EPB41: variants seen among roughly 807,000 people sequenced by gnomAD.
EPB41 encodes erythrocyte membrane protein band 4.1.
A neutral mutation model predicts 108.0 loss-of-function variants in EPB41; 65 were observed. That is an observed-to-expected ratio of 0.60 (90% confidence interval 0.49 to 0.74). EPB41 has a LOEUF of 0.74. Among genes scored for constraint, EPB41 ranks in the 30% least tolerant of loss-of-function variants. EPB41 has a pLI of 0.00. For synonymous variants in EPB41, 336 were observed against 358.9 expected (o/e 0.94, Z 0.72); for missense variants, 875 against 1,037.0 (o/e 0.84, Z 2.15).
chr1:28,920,593 C>T (rs951370272), intron 1 of EPB41, among the ~76,000 whole-genome samples: 6 of 152,120 alleles, frequency 3.9e-5, no homozygotes, highest in Non-Finnish European at 7.4e-5. Context: ...AGAAACTCCC[C>T]GTGATTTAAC....
At chr1:29,001,795 T>C (rs1258176735) in intron 4 of EPB41, among the ~76,000 whole-genome samples, 1 of 152,224 alleles carries the variant, frequency 6.6e-6, no homozygotes, top group Non-Finnish European at 1.5e-5. Flanking sequence ...TATGATCTTT[T>C]CTTTTTTCTT....
intron 7 of EPB41, among the ~76,000 whole-genome samples, chr1:29,024,461 G>A (rs1017732400): frequency 1.3e-5 from 2 of 150,726 alleles, no homozygotes; most frequent in African/African-American, 4.9e-5. Context: ...GTGAAACCCT[G>A]TCTCTACTAA....
At chr1:29,065,611 A>G (rs953363235) in intron 16 of EPB41, 1 of 152,796 alleles carries the variant, frequency 6.5e-6, no homozygotes, top group African/African-American at 2.4e-5. Context: ...CCACAATTAT[A>G]TAGTAAACCA....
At chr1:28,965,241 A>G (rs1326472019) in intron 1 of EPB41, among the ~76,000 whole-genome samples, 1 of 152,142 alleles carries the variant, frequency 6.6e-6, no homozygotes, top group Admixed American at 6.5e-5. Context: ...AAAAAGAAAA[A>G]TATTTAGTTG....
intron 2 of EPB41, among the ~76,000 whole-genome samples, chr1:28,991,528 A>G (rs1056805586): frequency 6.6e-6 from 1 of 151,740 alleles, no homozygotes; most frequent in African/African-American, 2.4e-5. Context: ...ACATGGAGAA[A>G]CACCATCTCT....
intron 10 of EPB41, 130 bp downstream of exon 10, chr1:29,036,053 G>C: frequency 1.4e-6 from 1 of 701,934 alleles, no homozygotes; most frequent in Non-Finnish European, 2.4e-6. Flanking sequence ...ATCATCTTAA[G>C]CAAGACAAAA....
intron 1 of EPB41, chr1:28,893,758 A>C (rs126013): frequency 0.64 from 97,213 of 152,316 alleles, 31,678 homozygotes; most frequent in East Asian, 0.91. Flanking sequence ...CACTGCTGTC[A>C]TTTGCTTCCA....
At chr1:28,992,913 T>G (rs1004899637) in intron 2 of EPB41, among the ~76,000 whole-genome samples, 2 of 152,200 alleles carry the variant, frequency 1.3e-5, no homozygotes, top group African/African-American at 4.8e-5. Context: ...TAAAATTAAT[T>G]TAAAATTTAG....
intron 15 of EPB41, among the ~76,000 whole-genome samples, 187 bp from the exon 16 acceptor site, chr1:29,064,795 T>G (rs907829289): frequency 6.6e-6 from 1 of 152,190 alleles, no homozygotes. Flanking sequence ...GAAAAGCACT[T>G]TATTTAAAGA....
intron 16 of EPB41, among the ~76,000 whole-genome samples, chr1:29,090,967 T>C (rs963237412): frequency 1.3e-5 from 2 of 152,238 alleles, no homozygotes; most frequent in South Asian, 4.1e-4. Context: ...CCAACTGTTA[T>C]GTTTTTCTTT....
chr1:29,011,990 G>GGATTCTAAAGTGACTGAC, intron 5 of EPB41, 83 bp downstream of exon 5: 1 of 1,481,550 alleles, frequency 6.7e-7, no homozygotes, highest in Non-Finnish European at 9.4e-7. Flanking sequence ...CTGTGAGTCA[G>GGATTCTAAAGTGACTGAC]TCACTTTAGA....
intron 1 of EPB41, among the ~76,000 whole-genome samples, chr1:28,957,832 A>T (rs1288216280): frequency 6.6e-6 from 1 of 152,072 alleles, no homozygotes; most frequent in Admixed American, 6.6e-5. Context: ...TTCTCCTCCA[A>T]TTCCTTATAC....
At chr1:29,024,806 G>A (rs1421948320) in intron 7 of EPB41, among the ~76,000 whole-genome samples, 1 of 152,010 alleles carries the variant, frequency 6.6e-6, no homozygotes, top group Non-Finnish European at 1.5e-5. Flanking sequence ...TAGTTCAGCT[G>A]ATATTCTGTT....
chr1:28,953,357 C>T (rs1244831028), intron 1 of EPB41, among the ~76,000 whole-genome samples: 4 of 151,682 alleles, frequency 2.6e-5, no homozygotes, highest in Non-Finnish European at 4.4e-5. Flanking sequence ...ATAATTGAAT[C>T]TTAAAATTGA....
chr1:28,969,916 A>C (rs1452783589), intron 1 of EPB41, among the ~76,000 whole-genome samples: 1 of 152,096 alleles, frequency 6.6e-6, no homozygotes, highest in African/African-American at 2.4e-5. Context: ...ACAAACAAAC[A>C]AACAAAAAAC....
At chr1:29,044,089 CAT>C (rs1177768698) in intron 11 of EPB41, among the ~76,000 whole-genome samples, 7 of 152,168 alleles carry the variant, frequency 4.6e-5, no homozygotes, top group African/African-American at 1.7e-4. Flanking sequence ...ATGTCTTTGC[CAT>C]ATTCAGATAA....
intron 9 of EPB41, among the ~76,000 whole-genome samples, chr1:29,035,577 T>TG (rs1639128166): frequency 6.8e-6 from 1 of 146,792 alleles, no homozygotes; most frequent in Non-Finnish European, 1.5e-5. Context: ...GTGTGTTTTC[T>TG]GGAAAAAAAA....
chr1:28,957,276 G>C (rs954741991), intron 1 of EPB41, among the ~76,000 whole-genome samples: 14 of 152,346 alleles, frequency 9.2e-5, no homozygotes, highest in African/African-American at 3.4e-4. Context: ...TCTTCATGGG[G>C]ATGCCCATTG....
intron 16 of EPB41, chr1:29,070,791 C>T: frequency 2.0e-6 from 2 of 1,010,470 alleles, no homozygotes; most frequent in Non-Finnish European, 2.5e-6. Flanking sequence ...TTGTGGGGTA[C>T]AAAGGAGTAG....
Sources: gnomAD v4.1 joint callset for allele counts (sites outside exome capture counted in the v4.1 genomes callset) on GRCh38, gnomAD v4.1.1 for gene constraint, MANE v1.5 for transcripts, NCBI Gene and HGNC (gene_info 2026-07-23, HGNC 2026-07-21) for gene names.